LOC128706665: variants seen among roughly 807,000 people sequenced by gnomAD.
At chr20:10,430,855 A>T in the LOC128706665 span, among the ~76,000 whole-genome samples, 5 of 152,232 alleles carry the variant, frequency 3.3e-5, 1 homozygote, top group African/African-American at 1.2e-4. Flanking sequence ...CAAATGTGAG[A>T]ATCCTACAAT....
At chr20:10,431,302 A>C in the LOC128706665 span, among the ~76,000 whole-genome samples, 1 of 152,166 alleles carries the variant, frequency 6.6e-6, no homozygotes, top group African/African-American at 2.4e-5. Context: ...CATGTATCCC[A>C]CATTCACAAT....
At chr20:10,425,645 T>C in the LOC128706665 span, among the ~76,000 whole-genome samples, 1 of 152,196 alleles carries the variant, frequency 6.6e-6, no homozygotes, top group African/African-American at 2.4e-5. Context: ...TGGACTGTCT[T>C]GTAGAGATTC....
the LOC128706665 span, among the ~76,000 whole-genome samples, chr20:10,414,508 G>A: frequency 6.6e-6 from 1 of 152,036 alleles, no homozygotes; most frequent in South Asian, 2.1e-4. Flanking sequence ...CAGGTGATCT[G>A]CCCATCTCTG....
chr20:10,432,519 G>C, the LOC128706665 span, among the ~76,000 whole-genome samples: 1 of 151,938 alleles, frequency 6.6e-6, no homozygotes, highest in Non-Finnish European at 1.5e-5. Flanking sequence ...TAGGCCAGAC[G>C]CCGTGGGTCA....
the LOC128706665 span, among the ~76,000 whole-genome samples, chr20:10,414,512 A>G: frequency 8.5e-5 from 13 of 152,054 alleles, no homozygotes; most frequent in Non-Finnish European, 1.5e-4. Flanking sequence ...TGATCTGCCC[A>G]TCTCTGCCTC....
chr20:10,419,162 A>G, the LOC128706665 span, among the ~76,000 whole-genome samples: 1 of 152,170 alleles, frequency 6.6e-6, no homozygotes, highest in Non-Finnish European at 1.5e-5. Flanking sequence ...TTCCATAAAG[A>G]GCAGAACCTT....
At chr20:10,418,934 C>T in the LOC128706665 span, among the ~76,000 whole-genome samples, 2 of 152,020 alleles carry the variant, frequency 1.3e-5, no homozygotes, top group African/African-American at 2.4e-5. Context: ...TATAGAATGT[C>T]CTAAAGTTAC....
chr20:10,421,614 T>C, the LOC128706665 span, among the ~76,000 whole-genome samples: 1 of 151,998 alleles, frequency 6.6e-6, no homozygotes, highest in South Asian at 2.1e-4. Flanking sequence ...CAAATCAGAA[T>C]GAATGTAATG....
the LOC128706665 span, chr20:10,431,876 C>G: frequency 6.6e-6 from 1 of 152,376 alleles, no homozygotes; most frequent in South Asian, 2.1e-4. Context: ...CAGATGTCAC[C>G]TACTCAGAGA....
At chr20:10,422,753 C>A in the LOC128706665 span, among the ~76,000 whole-genome samples, 39 of 151,392 alleles carry the variant, frequency 2.6e-4, no homozygotes, top group African/African-American at 9.0e-4. Flanking sequence ...GCTCTGTCAC[C>A]CAAGCTGTAG....
At chr20:10,424,012 T>C in the LOC128706665 span, among the ~76,000 whole-genome samples, 1 of 152,212 alleles carries the variant, frequency 6.6e-6, no homozygotes, top group Non-Finnish European at 1.5e-5. Flanking sequence ...CAAGTAACTA[T>C]TTTCTGACAG....
the LOC128706665 span, among the ~76,000 whole-genome samples, chr20:10,430,916 T>C: frequency 6.6e-6 from 1 of 152,174 alleles, no homozygotes; most frequent in Non-Finnish European, 1.5e-5. Context: ...TGAAACAACG[T>C]TTTACATAAG....
At chr20:10,427,639 T>C in the LOC128706665 span, among the ~76,000 whole-genome samples, 1 of 152,224 alleles carries the variant, frequency 6.6e-6, no homozygotes, top group African/African-American at 2.4e-5. Context: ...GTGTACACAA[T>C]AGAAAAGACT....
the LOC128706665 span, among the ~76,000 whole-genome samples, chr20:10,419,772 C>A: frequency 6.6e-6 from 1 of 152,116 alleles, no homozygotes; most frequent in African/African-American, 2.4e-5. Context: ...TCACATCCTG[C>A]GTGGATGAAG....
the LOC128706665 span, among the ~76,000 whole-genome samples, chr20:10,427,925 A>C: frequency 6.6e-6 from 1 of 152,252 alleles, no homozygotes; most frequent in Non-Finnish European, 1.5e-5. Context: ...TGGGCTGCTA[A>C]CAGCGTAACT....
the LOC128706665 span, among the ~76,000 whole-genome samples, chr20:10,427,043 C>CACACAG: frequency 8.1e-6 from 1 of 122,884 alleles, no homozygotes; most frequent in South Asian, 2.3e-4. Flanking sequence ...CACACACACA[C>CACACAG]ACACACACAC....
chr20:10,419,255 C>T, the LOC128706665 span, among the ~76,000 whole-genome samples: 1 of 152,072 alleles, frequency 6.6e-6, no homozygotes, highest in Non-Finnish European at 1.5e-5. Flanking sequence ...AAATGCTTTA[C>T]AATTACAGGG....
the LOC128706665 span, among the ~76,000 whole-genome samples, chr20:10,428,319 A>T: frequency 6.6e-6 from 1 of 152,232 alleles, no homozygotes; most frequent in Non-Finnish European, 1.5e-5. Flanking sequence ...GTTCCAGATC[A>T]GATACCTAGA....
At chr20:10,414,843 C>G in the LOC128706665 span, among the ~76,000 whole-genome samples, 14 of 152,246 alleles carry the variant, frequency 9.2e-5, no homozygotes, top group African/African-American at 3.4e-4. Flanking sequence ...TGGCTAAAGT[C>G]AGAGCTAATT....
Sources: gnomAD v4.1 joint callset for allele counts (sites outside exome capture counted in the v4.1 genomes callset) on GRCh38, gnomAD v4.1.1 for gene constraint, MANE v1.5 for transcripts.